KPNA5: variants seen among roughly 807,000 people sequenced by gnomAD.
KPNA5 encodes karyopherin subunit alpha 5, also known as importin subunit alpha-6.
Under a neutral mutation model 71.3 loss-of-function variants are expected in KPNA5, and 46 were observed. The observed-to-expected ratio is 0.65, with a 90% CI of 0.51 to 0.83. KPNA5 has a LOEUF of 0.83. Ranked by LOEUF, KPNA5 falls within the 40% of genes least tolerant of loss-of-function variation. The pLI is 0.00. For missense variants in KPNA5, 547 were observed against 628.3 expected (o/e 0.87, Z 1.38); for synonymous variants, 207 against 201.4 (o/e 1.03, Z -0.24).
rs944783476 is a variant in KPNA5 at position 116,734,221 on chromosome 6, C to G, written c.*1898C>G. On this transcript the variant is annotated 3_prime_UTR_variant, in exon 14 of 14. Coordinates refer to ENST00000368564, the MANE Select transcript of KPNA5 (RefSeq NM_001366306.2). ...CAGGTGACAGGGTATTCTACTCTTT[C>G]TAGTCAATTAAAATTGATAATGCAG... 1 of 151,684 alleles carries G rather than the reference C, an allele frequency of 6.6e-6. No homozygotes were observed. The highest frequency in any genetic ancestry group is 2.4e-5 in the African/African-American group (1 of 41,406). The allele number at this position is 151,684 out of a possible 1,614,324, so 9.4% of individuals were successfully genotyped here.
At chr6:116,716,513 T>G (rs1284997232) in intron 8 of KPNA5, among the ~76,000 whole-genome samples, 195 bp downstream of exon 8, 1 of 152,348 alleles carries the variant, frequency 6.6e-6, no homozygotes. Context: ...CTCACACACC[T>G]TAAATTCCTG....
At chr6:116,713,901 A>G (rs969577568) in intron 7 of KPNA5, among the ~76,000 whole-genome samples, 1 of 152,040 alleles carries the variant, frequency 6.6e-6, no homozygotes, top group Non-Finnish European at 1.5e-5. Context: ...GTCTGTTTCC[A>G]TAGTGATGAT....
intron 1 of KPNA5, among the ~76,000 whole-genome samples, chr6:116,689,001 T>C (rs1204041977): frequency 6.6e-6 from 1 of 152,200 alleles, no homozygotes; most frequent in Non-Finnish European, 1.5e-5. Flanking sequence ...ACAGTAATTA[T>C]GTTTCAGAAA....
At chr6:116,706,414 G>A (rs1778437334) in intron 7 of KPNA5, among the ~76,000 whole-genome samples, 1 of 152,234 alleles carries the variant, frequency 6.6e-6, no homozygotes, top group Admixed American at 6.5e-5. Flanking sequence ...TTCAGGCTGG[G>A]CGTGGTGGCT....
At chr6:116,693,382 T>C (rs1038499143) in intron 4 of KPNA5, among the ~76,000 whole-genome samples, 25 of 152,338 alleles carry the variant, frequency 1.6e-4, no homozygotes, top group Admixed American at 1.3e-3. Context: ...TTTCTCCACA[T>C]CCTCTCCAGC....
intron 8 of KPNA5, 22 bp downstream of exon 8, chr6:116,716,340 T>A: frequency 6.8e-7 from 1 of 1,470,348 alleles, no homozygotes; most frequent in Non-Finnish European, 9.5e-7. Context: ...ATACACAAAT[T>A]AAAATATTTG....
At chr6:116,715,112 TC>T (rs1382885915) in intron 7 of KPNA5, among the ~76,000 whole-genome samples, 9 of 152,186 alleles carry the variant, frequency 5.9e-5, no homozygotes, top group South Asian at 2.1e-4. Context: ...TTCTTGGTGT[TC>T]CTGGGAGGGA....
At chr6:116,721,586 CTA>C (rs1205302378) in intron 8 of KPNA5, among the ~76,000 whole-genome samples, 3 of 152,204 alleles carry the variant, frequency 2.0e-5, no homozygotes, top group Non-Finnish European at 4.4e-5. Flanking sequence ...AGTGCCTACT[CTA>C]TGTCAGGCAC....
intron 4 of KPNA5, among the ~76,000 whole-genome samples, chr6:116,696,236 A>G (rs1778023939): frequency 1.3e-5 from 2 of 152,196 alleles, no homozygotes; most frequent in South Asian, 2.1e-4. Context: ...TTGGACATAC[A>G]GCAAGGAGTT....
intron 1 of KPNA5, 193 bp downstream of exon 1, chr6:116,681,531 C>G: frequency 7.4e-7 from 1 of 1,349,198 alleles, no homozygotes; most frequent in Non-Finnish European, 9.5e-7. Flanking sequence ...CCGGACCTTT[C>G]CCTTGCGGAC....
At position 116,692,286 on chromosome 6, in the gene KPNA5, G is replaced by C; in HGVS notation, c.241-7G>C. On this transcript the variant is annotated splice_region_variant and splice_polypyrimidine_tract_variant and intron_variant, in intron 3 of 13. Transcript: ENST00000368564. Reference sequence around the variant, plus strand: ...ATGTTAATTATATTTTTGTGTGTGTGTTTTAGGAAGAAGTTGTTACTACAG... The same window carrying C: ...ATGTTAATTATATTTTTGTGTGTGTCTTTTAGGAAGAAGTTGTTACTACAG... The C allele has an allele frequency of 6.4e-7, 1 of 1,551,496 alleles. No homozygotes were observed. The highest frequency in any genetic ancestry group is 8.8e-7 in the Non-Finnish European group (1 of 1,135,984).
Position 116,702,150 on chromosome 6 carries a change from G to T in KPNA5, c.567G>T (p.Gln189His). Residue 189 changes from glutamine to histidine, a missense_variant and splice_region_variant, in exon 6 of 14, where the codon CAG becomes CAT. Physicochemically the swap from Gln to His is conservative, Grantham distance 24 (BLOSUM62 0). Coordinates refer to ENST00000368564, the MANE Select transcript of KPNA5 (RefSeq NM_001366306.2). ...CTGAACATGAAGATGTTCAGGAACA[G>T]GTACGTCTCTAATTTGTATTGTTGT... is the stretch of plus-strand genomic sequence containing the variant. ...LNSEHEDVQE[Q>H]AVWALGNIAG... is the part of the protein sequence containing the mutation. 6.2e-7 allele frequency: 1 copy of T among 1,612,344 alleles called. No homozygotes were observed. Among genetic ancestry groups the T allele is most frequent in the African/African-American group, 1.3e-5 (1 of 74,930 alleles).
intron 10 of KPNA5, among the ~76,000 whole-genome samples, chr6:116,725,052 A>G (rs1437899874): frequency 6.6e-6 from 1 of 152,184 alleles, no homozygotes; most frequent in Non-Finnish European, 1.5e-5. Flanking sequence ...TTTGGATACT[A>G]ATCATAGTTA....
rs915975125 is a variant in KPNA5 at position 116,739,796 on chromosome 6, G to A, written c.*7473G>A. 6.6e-6 allele frequency: 1 copy of A among 151,590 alleles called. No individual in the cohort carries two copies. The highest frequency in any genetic ancestry group is 1.5e-5 in the Non-Finnish European group (1 of 67,884). The allele number at this position is 151,590 out of a possible 1,614,324, so 9.4% of individuals were successfully genotyped here. A position where few individuals can be genotyped will look rare whatever the true frequency, so the allele number is the denominator to read the frequency against. Reference sequence around the variant, plus strand: ...TGCTGGGAAAACTGGCTAGCCATATGTAGAAAGCTGAAACTGTATCCCTTC... The same window carrying A: ...TGCTGGGAAAACTGGCTAGCCATATATAGAAAGCTGAAACTGTATCCCTTC... On this transcript the variant is annotated 3_prime_UTR_variant, in exon 14 of 14. Coordinates refer to ENST00000368564, the MANE Select transcript of KPNA5 (RefSeq NM_001366306.2).
intron 7 of KPNA5, among the ~76,000 whole-genome samples, chr6:116,710,729 T>C (rs1778629526): frequency 1.3e-5 from 2 of 151,388 alleles, no homozygotes; most frequent in Admixed American, 1.3e-4. Flanking sequence ...GTCAGTTTGG[T>C]AGTTTCTGTG....
In KPNA5 at chr6:116,733,282, CAAG is replaced by C. The variant is rs1779559797; in HGVS notation, c.*960_*962del. The C allele has an allele frequency of 9.6e-6, 1 of 103,962 alleles. No individual in the cohort carries two copies. The highest frequency in any genetic ancestry group is 3.9e-4 in the East Asian group (1 of 2,544). 6.4% of individuals were successfully genotyped at this position (103,962 alleles called of 1,614,324 possible). ...AATAGTACTAGTTTAAGTTTAAGTA[CAAG>C]TACAAGTTTAGGTACTCGAATGACA... is the stretch of plus-strand genomic sequence containing the variant. On this transcript the variant is annotated 3_prime_UTR_variant, in exon 14 of 14. Coordinates refer to ENST00000368564, the MANE Select transcript of KPNA5 (RefSeq NM_001366306.2).
chr6:116,699,373 TTTCCCTACA>T (rs1395187520), intron 5 of KPNA5, among the ~76,000 whole-genome samples: 1 of 152,172 alleles, frequency 6.6e-6, no homozygotes, highest in African/African-American at 2.4e-5. Context: ...AAAGATTGGT[TTTCCCTACA>T]TTCATTGCTA....
chr6:116,735,654 G>A lies in KPNA5; in HGVS notation c.*3331G>A, dbSNP rs980722132. On this transcript the variant is annotated 3_prime_UTR_variant, in exon 14 of 14. Coordinates refer to ENST00000368564, the MANE Select transcript of KPNA5 (RefSeq NM_001366306.2). ...TTTAAAATTGCATTTATATAAATGTGTCCATTTCATTTTTTCTTAAGATTG... is the reference window on the plus strand; with the variant it reads ...TTTAAAATTGCATTTATATAAATGTATCCATTTCATTTTTTCTTAAGATTG... The A allele has an allele frequency of 2.6e-5, 4 of 151,618 alleles. No homozygotes were observed. The highest frequency in any genetic ancestry group is 6.6e-5 in the Admixed American group (1 of 15,162). The allele number at this position is 151,618 out of a possible 1,614,324, so 9.4% of individuals were successfully genotyped here.
rs1235604892 is a variant in KPNA5 at position 116,681,301 on chromosome 6, C to T, written c.-34C>T. 1.9e-6 allele frequency: 3 copies of T among 1,610,480 alleles called. No homozygotes were observed. Among genetic ancestry groups the T allele is most frequent in the Admixed American group, 1.7e-5 (1 of 59,644 alleles). ...CCGCCACACACGTCGCCGCTGGGGA[C>T]TGGGAAATCAGGGCATCGGAGAGTG... On this transcript the variant is annotated 5_prime_UTR_variant, in exon 1 of 14. Coordinates refer to ENST00000368564, the MANE Select transcript of KPNA5 (RefSeq NM_001366306.2).
Sources: allele counts gnomAD v4.1 joint callset (sites outside exome capture counted in the v4.1 genomes callset), GRCh38; gene constraint gnomAD v4.1.1; transcripts MANE v1.5; gene names NCBI Gene and HGNC (gene_info 2026-07-23, HGNC 2026-07-21).